STRN3: variants seen among roughly 807,000 people sequenced by gnomAD.
STRN3 encodes striatin-3.
Under a neutral mutation model 95.6 loss-of-function variants are expected in STRN3, and 29 were observed. The ratio of observed to expected loss-of-function variants is 0.30; its 90% CI spans 0.23 to 0.41. STRN3 has a LOEUF of 0.41. Among genes scored for constraint, STRN3 ranks in the 10% least tolerant of loss-of-function variants. The probability of loss-of-function intolerance (pLI) is 1.00; values close to 1 mark genes in which losing one functional copy is unlikely to be tolerated. For missense variants in STRN3, 890 were observed against 972.1 expected (o/e 0.92, Z 1.12); for synonymous variants, 331 against 357.6 (o/e 0.93, Z 0.84).
intron 1 of STRN3, among the ~76,000 whole-genome samples, chr14:31,016,384 C>T (rs1883236235): frequency 6.6e-6 from 1 of 152,064 alleles, no homozygotes; most frequent in Non-Finnish European, 1.5e-5. Flanking sequence ...AAATAATCAA[C>T]CCATAGAAAA....
chr14:31,013,936 T>TATTATTA (rs1883114941), intron 1 of STRN3, among the ~76,000 whole-genome samples: 1 of 149,288 alleles, frequency 6.7e-6, no homozygotes, highest in African/African-American at 2.5e-5. Flanking sequence ...AGAGTGTCAG[T>TATTATTA]CTATTGACCA....
At chr14:30,998,211 G>A (rs1486948559) in intron 1 of STRN3, among the ~76,000 whole-genome samples, 1 of 152,144 alleles carries the variant, frequency 6.6e-6, no homozygotes, top group Non-Finnish European at 1.5e-5. Context: ...ATCTTTATTT[G>A]ACCTGTAATC....
intron 1 of STRN3, chr14:31,014,720 T>C (rs1331954189): frequency 2.2e-6 from 1 of 449,164 alleles, no homozygotes; most frequent in East Asian, 7.1e-5. Flanking sequence ...CACAAGGTAC[T>C]GGTACTACCT....
intron 1 of STRN3, among the ~76,000 whole-genome samples, chr14:31,004,199 A>AG (rs1238248584): frequency 2.6e-5 from 4 of 151,910 alleles, no homozygotes; most frequent in Non-Finnish European, 4.4e-5. Flanking sequence ...AGGTGGGAAG[A>AG]TCACCTGAGC....
intron 1 of STRN3, among the ~76,000 whole-genome samples, chr14:30,987,083 A>C (rs1197046759): frequency 6.6e-6 from 1 of 152,242 alleles, no homozygotes; most frequent in Non-Finnish European, 1.5e-5. Flanking sequence ...GAAGGCATAC[A>C]GTCCTTTAAA....
rs112753663 is a variant in STRN3, at chr14:30,957,466, A to G, written c.283-1224T>C. On this transcript the variant is annotated intron_variant, in intron 1 of 17. Transcript: ENST00000357479. ...AGACTCCATTTCAAAAAAAAAAAAA[A>G]AAAGAGAGAGAGAAAAAAGAAAATG... is the stretch of plus-strand genomic sequence containing the variant. 0.018 allele frequency among the ~76,000 whole-genome samples: 46 copies of G among 2,582 alleles called. 1 individual carries two copies. The South Asian group carries it at 0.41, about 23-fold the overall frequency. 1.7% of individuals were successfully genotyped at this position (2,582 alleles called of 152,430 possible).
At chr14:30,973,208 C>CA (rs1880919954) in intron 1 of STRN3, among the ~76,000 whole-genome samples, 1 of 151,020 alleles carries the variant, frequency 6.6e-6, no homozygotes, top group African/African-American at 2.4e-5. Context: ...GACTCTGTCT[C>CA]AAAAAAGCCA....
At position 30,902,625 on chromosome 14, in the gene STRN3, T is replaced by C. The variant is rs372377600; in HGVS notation, c.2048A>G (p.His683Arg). 2.5e-6 allele frequency: 4 copies of C among 1,597,360 alleles called. No individual in the cohort carries two copies. Among genetic ancestry groups the C allele is most frequent in the Non-Finnish European group, 1.7e-6 (2 of 1,172,418 alleles). The change falls in exon 16 of 18, where the codon CAT becomes CGT. Residue 683 changes from histidine to arginine, a missense_variant. Coordinates refer to ENST00000357479, the MANE Select transcript of STRN3 (RefSeq NM_001083893.2). Reference sequence around the variant, plus strand: ...GGGATGACTTACTACTCTGTTGATATGATTATTAGATTGTAAACCTGAAAA... The same window carrying C: ...GGGATGACTTACTACTCTGTTGATACGATTATTAGATTGTAAACCTGAAAA... Reference protein sequence around the residue: ...QVDSGLQSNNHINRVVSHPTL... With the variant: ...QVDSGLQSNNRINRVVSHPTL...
At chr14:31,014,740 A>G (rs367919094) in intron 1 of STRN3, 6 of 447,396 alleles carry the variant, frequency 1.3e-5, no homozygotes, top group Admixed American at 5.7e-5. Context: ...TTGAAACAGC[A>G]TTATATATTG....
intron 5 of STRN3, among the ~76,000 whole-genome samples, chr14:30,939,570 G>A (rs141393815): frequency 2.4e-4 from 36 of 152,232 alleles, no homozygotes; most frequent in Admixed American, 6.5e-4. Context: ...ATCTTTTGCT[G>A]TTGCTGCTGT....
At position 30,991,760 on chromosome 14, in the gene STRN3, A is replaced by G. The variant is rs1881965757; in HGVS notation, c.282+34144T>C. On this transcript the variant is annotated intron_variant, in intron 1 of 17. Transcript: ENST00000357479. ...GAGGAGGAGGAAGAGACGGAACATAAAACCGAAAGGTTAGAAGAAGCCATA... is the reference window on the plus strand; with the variant it reads ...GAGGAGGAGGAAGAGACGGAACATAGAACCGAAAGGTTAGAAGAAGCCATA... Among the ~76,000 whole-genome samples the G allele has an allele frequency of 3.3e-5, 5 of 152,202 alleles. No homozygotes were observed. The South Asian group carries it at 1.0e-3, about 32-fold the overall frequency.
chr14:31,020,513 A>G (rs1056984869), intron 1 of STRN3, among the ~76,000 whole-genome samples: 22 of 150,692 alleles, frequency 1.5e-4, no homozygotes, highest in Non-Finnish European at 2.4e-4. Context: ...AAAAAAAAAG[A>G]AAGTGCTCAA....
rs571796434 is a variant in STRN3, at chr14:30,935,924, T to G, written c.846+571A>C. Among the ~76,000 whole-genome samples, 68 of 152,312 alleles carry G rather than the reference T, an allele frequency of 4.5e-4. 1 individual carries two copies. The highest frequency in any genetic ancestry group is 1.6e-3 in the African/African-American group (66 of 41,570). ...ACCAACAACTAAACCTACCCACTTT[T>G]TTCTATGGTTGAAATGCTGTACACT... is the stretch of plus-strand genomic sequence containing the variant. On this transcript the variant is annotated intron_variant, in intron 6 of 17. Coordinates refer to ENST00000357479, the MANE Select transcript of STRN3 (RefSeq NM_001083893.2).
Position 31,026,020 on chromosome 14 carries a change from C to T in STRN3, c.166G>A (p.Glu56Lys), listed in dbSNP as rs1487813168. The T allele has an allele frequency of 6.5e-7, 1 of 1,541,264 alleles. No homozygotes were observed. Among genetic ancestry groups the T allele is most frequent in the South Asian group, 1.2e-5 (1 of 83,744 alleles). Residue 56 changes from glutamate (E) to lysine (K), a missense_variant, in exon 1 of 18, where the codon GAG (glutamate) becomes AAG (lysine). By Grantham distance (56) the Glu-to-Lys change is moderately conservative. Around this residue, in one of 3 missense-constraint regions of STRN3, gnomAD observed 526 missense variants for 526.3 expected, o/e 1.00. Transcript: ENST00000357479. ...SEGAGPAAGP[E>K]LSRPQQYTIP... ...GTGTACTGCTGCGGCCGGGACAGCT[C>T]GGGGCCTGCCGCGGGACCCGCTCCC...
chr14:30,930,327 C>T (rs1196624710), intron 7 of STRN3, among the ~76,000 whole-genome samples: 3 of 152,086 alleles, frequency 2.0e-5, no homozygotes, highest in Non-Finnish European at 4.4e-5. Context: ...TCAGTATATT[C>T]TGGCTAACAA....
intron 1 of STRN3, among the ~76,000 whole-genome samples, chr14:30,976,884 GT>G (rs1247565358): frequency 2.6e-4 from 39 of 152,294 alleles, no homozygotes; most frequent in African/African-American, 8.7e-4. Flanking sequence ...GAGCTCAGGA[GT>G]TTGAGACCAG....
intron 5 of STRN3, among the ~76,000 whole-genome samples, chr14:30,939,858 A>T (rs567254800): frequency 6.6e-6 from 1 of 152,226 alleles, no homozygotes; most frequent in Admixed American, 6.5e-5. Flanking sequence ...TCCATCCCAC[A>T]TCCACACTTC....
intron 1 of STRN3, among the ~76,000 whole-genome samples, chr14:30,997,092 A>G (rs1882236391): frequency 6.6e-6 from 1 of 152,200 alleles, no homozygotes; most frequent in African/African-American, 2.4e-5. Flanking sequence ...GCAGGATGCC[A>G]CAAAAGGCTA....
At chr14:30,966,187 C>T (rs922064854) in intron 1 of STRN3, among the ~76,000 whole-genome samples, 2 of 150,242 alleles carry the variant, frequency 1.3e-5, no homozygotes, top group East Asian at 1.9e-4. Flanking sequence ...TAACCCTAGC[C>T]GACAGGGGAA....
Sources: gnomAD v4.1 joint callset for allele counts (sites outside exome capture counted in the v4.1 genomes callset) on GRCh38, gnomAD v4.1.1 for gene constraint, gnomAD v4.1.1 regional missense constraint, MANE v1.5 for transcripts, NCBI Gene and HGNC (gene_info 2026-07-23, HGNC 2026-07-21) for gene names.